TERT: variants seen among roughly 807,000 people sequenced by gnomAD.
TERT encodes the protein telomerase catalytic subunit.
TERT carries 42 observed loss-of-function variants against 104.0 expected under a neutral mutation model. The ratio of observed to expected loss-of-function variants is 0.40; its 90% CI spans 0.32 to 0.52. The LOEUF (loss-of-function observed/expected upper bound fraction) is 0.52, where lower values mean the gene tolerates loss of function less well. Among genes scored for constraint, TERT ranks in the 20% least tolerant of loss-of-function variants. The pLI is 0.43. For synonymous variants in TERT, 781 were observed against 725.6 expected (o/e 1.08, Z -1.23); for missense variants, 1,101 against 1,610.3 (o/e 0.68, Z 5.41).
Position 1,277,608 on chromosome 5 carries a change from G to GA in TERT, c.2286+1032_2286+1033insT, listed in dbSNP as rs1275771103. On this transcript the variant is annotated intron_variant, in intron 6 of 15. Coordinates refer to ENST00000310581, the MANE Select transcript of TERT (RefSeq NM_198253.3). ...AGCTTCCGCTGCAGCGGGGATGTGG[G>GA]GGGGGGTCTCCTGGGCTCTGGTGAC... 2.7e-5 allele frequency among the ~76,000 whole-genome samples: 4 copies of GA among 149,696 alleles called. No individual in the cohort carries two copies. In the East Asian group the frequency reaches 7.9e-4, roughly 29 times the overall value.
rs1181876355 is a variant in TERT, at chr5:1,268,127, C to T, written c.2582+393G>A. On this transcript the variant is annotated intron_variant, in intron 9 of 15. Transcript: ENST00000310581. This position sits in a 1 kb window ranked among gnomAD's most constrained non-coding sequence, Gnocchi z 5.5. ...GGCTGAAGAGGCGCCCAGTCCAGGC[C>T]ACCTGTCGAGGGCCTGCTGGGAGAT... Among the ~76,000 whole-genome samples, 2 of 152,236 alleles carry T rather than the reference C, an allele frequency of 1.3e-5. No homozygotes were observed. The highest frequency in any genetic ancestry group is 4.8e-5 in the African/African-American group (2 of 41,470).
intron 13 of TERT, among the ~76,000 whole-genome samples, chr5:1,258,093 A>T (rs184362211): frequency 1.3e-5 from 2 of 152,350 alleles, no homozygotes; most frequent in African/African-American, 4.8e-5. Context: ...TTCCAGGAGC[A>T]CAGCCATGCC....
rs546257935 is a variant in TERT at position 1,256,551 on chromosome 5, C to T, written c.3033-1140G>A. The stretch of plus-strand genomic sequence containing the variant: ...CCTGAGCCCCCCGTGTACCTCATCT[C>T]ACCCACTGCCTGAGCCCCCCATGTA... On this transcript the variant is annotated intron_variant, in intron 13 of 15. Coordinates refer to ENST00000310581, the MANE Select transcript of TERT (RefSeq NM_198253.3). The surrounding 1 kb of genome is among the most constrained non-coding windows in gnomAD (Gnocchi z 7.0). 6.6e-6 allele frequency among the ~76,000 whole-genome samples: 1 copy of T among 150,430 alleles called. No homozygotes were observed. The highest frequency in any genetic ancestry group is 2.4e-5 in the African/African-American group (1 of 40,860).
rs1259190065 is a variant in TERT at position 1,255,671 on chromosome 5, G to C, written c.3033-260C>G. Among the ~76,000 whole-genome samples the C allele has an allele frequency of 6.6e-6, 1 of 152,230 alleles. No individual in the cohort carries two copies. The highest frequency in any genetic ancestry group is 2.4e-5 in the African/African-American group (1 of 41,468). On this transcript the variant is annotated intron_variant, in intron 13 of 15. Transcript: ENST00000310581. The surrounding 1 kb of genome is among the most constrained non-coding windows in gnomAD (Gnocchi z 6.9). The stretch of plus-strand genomic sequence containing the variant: ...CTGTATGAACACGCATGTGGAGGCT[G>C]AAGCAGCTCCATCCTGGATGCCAGC...
intron 2 of TERT, among the ~76,000 whole-genome samples, chr5:1,291,144 T>C (rs112278640): frequency 0.031 from 2,822 of 89,656 alleles, 6 homozygotes; most frequent in Non-Finnish European, 0.034. Flanking sequence ...CCGGGGACAG[T>C]GCCTCACTCA....
chr5:1,259,149 A>G (rs1747985961), intron 12 of TERT, among the ~76,000 whole-genome samples: 1 of 144,230 alleles, frequency 6.9e-6, no homozygotes, highest in African/African-American at 2.6e-5. Context: ...TGCCCACAGG[A>G]GAGGGAGTGG....
At chr5:1,281,470 C>T (rs1174418802) in intron 3 of TERT, among the ~76,000 whole-genome samples, 1 of 152,232 alleles carries the variant, frequency 6.6e-6, no homozygotes. Flanking sequence ...CCACAGTCAG[C>T]CTGGGCGGGA....
In TERT at chr5:1,278,812, C is replaced by T. The variant is rs146768484; in HGVS notation, c.2131-16G>A. 5.7e-4 allele frequency: 913 copies of T among 1,613,822 alleles called. 1 individual carries two copies. Among genetic ancestry groups the T allele is most frequent in the Non-Finnish European group, 6.0e-4 (710 of 1,180,026 alleles). On this transcript the variant is annotated splice_polypyrimidine_tract_variant and intron_variant, in intron 5 of 15. Transcript: ENST00000310581. ...TCACATCCACCTGTGTGAGTGGAGGCGAGGAGACTGACAGTGGCCACGCAG... is the reference window on the plus strand; with the variant it reads ...TCACATCCACCTGTGTGAGTGGAGGTGAGGAGACTGACAGTGGCCACGCAG...
intron 12 of TERT, 55 bp downstream of exon 12, chr5:1,260,419 C>T: frequency 1.2e-6 from 2 of 1,611,036 alleles, no homozygotes; most frequent in Non-Finnish European, 1.7e-6. Flanking sequence ...CACACACATA[C>T]TTGCGCACAC....
rs1470287464 is a variant in TERT, at chr5:1,282,969, G to A, written c.1574-345C>T. The A allele has an allele frequency of 2.4e-5, 8 of 334,114 alleles. No homozygotes were observed. In the East Asian group the frequency reaches 2.8e-4, roughly 12 times the overall value. The allele number at this position is 334,114 out of a possible 1,614,324, so 20.7% of individuals were successfully genotyped here. A position where few individuals can be genotyped will look rare whatever the true frequency, so the allele number is the denominator to read the frequency against. ...CCAGACAACACACATACAGCCCACC[G>A]CAGGGCCTGGCGACCTCACTCCGGA... is the stretch of plus-strand genomic sequence containing the variant. On this transcript the variant is annotated intron_variant, in intron 2 of 15. Coordinates refer to ENST00000310581, the MANE Select transcript of TERT (RefSeq NM_198253.3).
In TERT at chr5:1,268,753, G is replaced by A; in HGVS notation, c.2469-120C>T. 1.5e-6 allele frequency: 1 copy of A among 672,276 alleles called. No homozygotes were observed. The allele number at this position is 672,276 out of a possible 1,614,324, so 41.6% of individuals were successfully genotyped here. On this transcript the variant is annotated intron_variant, in intron 8 of 15. Transcript: ENST00000310581. This position sits in a 1 kb window ranked among gnomAD's most constrained non-coding sequence, Gnocchi z 5.5. ...ACACAAACGACACGTCTACCATTCA[G>A]CCGGCAAACACCTCAGAAACATACC...
At position 1,282,632 on chromosome 5, in the gene TERT, G is replaced by C; in HGVS notation, c.1574-8C>G. ...CCGGAACACAGCCAACCCCTTAAAC[G>C]AGAAGGACATGCCACATCCAGATCA... On this transcript the variant is annotated splice_polypyrimidine_tract_variant and splice_region_variant and intron_variant, in intron 2 of 15. Transcript: ENST00000310581. 1.2e-6 allele frequency: 2 copies of C among 1,613,528 alleles called. No individual in the cohort carries two copies. Among genetic ancestry groups the C allele is most frequent in the African/African-American group, 1.3e-5 (1 of 75,010 alleles).
intron 2 of TERT, 87 bp downstream of exon 2, chr5:1,293,226 G>C (rs1318360862): frequency 2.6e-6 from 4 of 1,536,004 alleles, no homozygotes; most frequent in Non-Finnish European, 3.6e-6. Context: ...GGAGACAGGA[G>C]GACCAGGGCT....
Position 1,288,211 on chromosome 5 carries a change from T to C in TERT, c.1573+5102A>G, listed in dbSNP as rs1750610014. Among the ~76,000 whole-genome samples the C allele has an allele frequency of 6.6e-6, 1 of 151,992 alleles. No homozygotes were observed. Among genetic ancestry groups the C allele is most frequent in the Non-Finnish European group, 1.5e-5 (1 of 68,026 alleles). On this transcript the variant is annotated intron_variant, in intron 2 of 15. Coordinates refer to ENST00000310581, the MANE Select transcript of TERT (RefSeq NM_198253.3). This position sits in a 1 kb window ranked among gnomAD's most constrained non-coding sequence, Gnocchi z 5.3. ...AAAGAAGTATTAACACTTTGAAGTA[T>C]TTTAAGAACACTTGAAAGTGGCTGA... is the stretch of plus-strand genomic sequence containing the variant.
In TERT at chr5:1,274,253, G is replaced by C. The variant is rs1371561078; in HGVS notation, c.2287-1973C>G. Among the ~76,000 whole-genome samples the C allele has an allele frequency of 6.6e-6, 1 of 152,226 alleles. No homozygotes were observed. Among genetic ancestry groups the C allele is most frequent in the Non-Finnish European group, 1.5e-5 (1 of 68,046 alleles). On this transcript the variant is annotated intron_variant, in intron 6 of 15. Coordinates refer to ENST00000310581, the MANE Select transcript of TERT (RefSeq NM_198253.3). The surrounding 1 kb of genome is among the most constrained non-coding windows in gnomAD (Gnocchi z 5.3). The stretch of plus-strand genomic sequence containing the variant: ...CCAACCTGGAAGGCAGTAACAGGAA[G>C]GTACATGGGGCCTGCACCCTTCCCA...
Position 1,270,988 on chromosome 5 carries a change from G to A in TERT, c.2468+131C>T. 1.4e-6 allele frequency: 1 copy of A among 731,728 alleles called. No homozygotes were observed. Among genetic ancestry groups the A allele is most frequent in the South Asian group, 1.7e-5 (1 of 58,844 alleles). The allele number at this position is 731,728 out of a possible 1,614,324, so 45.3% of individuals were successfully genotyped here. ...GCAGCCCAGGAGCCGGAGGGGGCGG[G>A]GGCCAGAAAAGGAGACTCTGGTGGC... On this transcript the variant is annotated intron_variant, in intron 8 of 15. Coordinates refer to ENST00000310581, the MANE Select transcript of TERT (RefSeq NM_198253.3). The surrounding 1 kb of genome is among the most constrained non-coding windows in gnomAD (Gnocchi z 8.3).
Position 1,264,349 on chromosome 5 carries a change from C to T in TERT, c.2843+55G>A. The stretch of plus-strand genomic sequence containing the variant: ...AGCAGAGGTGGACGCAACGGCCCTG[C>T]AGCAGCACCTGCCCCAGCCGGGCAC... On this transcript the variant is annotated intron_variant, in intron 11 of 15. Coordinates refer to ENST00000310581, the MANE Select transcript of TERT (RefSeq NM_198253.3). 20 of 1,551,518 alleles carry T rather than the reference C, an allele frequency of 1.3e-5. No individual in the cohort carries two copies. The South Asian group carries it at 2.3e-4, about 18-fold the overall frequency.
rs34062885 is a variant in TERT at position 1,260,600 on chromosome 5, G to C, written c.2844C>G (p.Ser948Arg). 6.2e-7 allele frequency: 1 copy of C among 1,613,836 alleles called. No homozygotes were observed. Among genetic ancestry groups the C allele is most frequent in the East Asian group, 2.2e-5 (1 of 44,884 alleles). The stretch of plus-strand genomic sequence containing the variant: ...TGGCTCTGATGGAGGTCCGGGCATA[G>C]CTGAGACACAGGGGGGAATGTCAGA... ...RTLEVQSDYS[S>R]YARTSIRASL... Residue 948 changes from serine (S) to arginine (R), a missense_variant and splice_region_variant, in exon 12 of 16, where the codon AGC (serine) becomes AGG (arginine). Ser to Arg is a moderately radical substitution (Grantham distance 110). This residue lies in a region of TERT where 463 missense variants were observed against 797.5 expected (regional missense o/e 0.58). Coordinates refer to ENST00000310581, the MANE Select transcript of TERT (RefSeq NM_198253.3).
rs566704993 is a variant in TERT, at chr5:1,286,772, T to G, written c.1574-4148A>C. ...GGGCGCCTGTAATCCCAGCTACTCA[T>G]GAGGTTGAGGAATGAGAACTGCTTG... On this transcript the variant is annotated intron_variant, in intron 2 of 15. Coordinates refer to ENST00000310581, the MANE Select transcript of TERT (RefSeq NM_198253.3). This position sits in a 1 kb window ranked among gnomAD's most constrained non-coding sequence, Gnocchi z 5.3. Among the ~76,000 whole-genome samples, 38 of 151,858 alleles carry G rather than the reference T, an allele frequency of 2.5e-4. No homozygotes were observed. The highest frequency in any genetic ancestry group is 4.6e-4 in the Non-Finnish European group (31 of 67,936).
Sources: gnomAD v4.1 joint callset for allele counts (sites outside exome capture counted in the v4.1 genomes callset) on GRCh38, gnomAD v4.1.1 for gene constraint, gnomAD v4.1.1 regional missense constraint, Gnocchi (gnomAD v3.1) non-coding constraint, MANE v1.5 for transcripts, NCBI Gene and HGNC (gene_info 2026-07-23, HGNC 2026-07-21) for gene names.